Variants in DPH6 observed in about 807,000 individuals in gnomAD.
DPH6 encodes diphthine--ammonia ligase.
In DPH6, 33 loss-of-function variants were observed where a neutral mutation model predicts 38.2. That is an observed-to-expected ratio of 0.86 (90% CI 0.65 to 1.15). The LOEUF (loss-of-function observed/expected upper bound fraction) is 1.15. Among genes scored for constraint, DPH6 ranks in the 50% most tolerant of loss-of-function variants. The probability of loss-of-function intolerance (pLI) is 0.00; values close to 1 mark genes in which losing one functional copy is unlikely to be tolerated. For missense variants in DPH6, 325 were observed against 320.0 expected, an observed-to-expected ratio of 1.02 and a Z score of -0.12; for synonymous variants, 108 against 103.0, an observed-to-expected ratio of 1.05 and a Z score of -0.30.
At chr15:35,492,620 T>C (rs903297906) in intron 3 of DPH6, among the ~76,000 whole-genome samples, 1 of 152,292 alleles carries the variant, frequency 6.6e-6, no homozygotes, top group Non-Finnish European at 1.5e-5. Context: ...ATAACCATGA[T>C]TGAGCTGTTA....
intron 3 of DPH6, among the ~76,000 whole-genome samples, chr15:35,278,447 T>C (rs897086359): frequency 6.6e-6 from 1 of 152,200 alleles, no homozygotes; most frequent in Non-Finnish European, 1.5e-5. Context: ...AGAAGCCTGA[T>C]GCAGGGGTAG....
chr15:35,395,465 C>T (rs1469157599), intron 6 of DPH6, among the ~76,000 whole-genome samples: 2 of 152,208 alleles, frequency 1.3e-5, no homozygotes, highest in Non-Finnish European at 2.9e-5. Context: ...TCTCAAGCCT[C>T]TTCATGAATG....
At chr15:35,519,227 T>G (rs949535960) in intron 3 of DPH6, 1 of 151,866 alleles carries the variant, frequency 6.6e-6, no homozygotes, top group Admixed American at 6.6e-5. Flanking sequence ...TGACAAACAC[T>G]TTAGTCATTG....
chr15:35,246,197 A>G (rs990246650), intron 3 of DPH6, among the ~76,000 whole-genome samples: 1 of 152,174 alleles, frequency 6.6e-6, no homozygotes, highest in African/African-American at 2.4e-5. Context: ...CCAGGTGATT[A>G]AAAAGCTTTA....
At chr15:35,212,492 T>C (rs1290781860), downstream of DPH6, among the ~76,000 whole-genome samples, 1 of 152,150 alleles carries the variant, frequency 6.6e-6, no homozygotes, top group Non-Finnish European at 1.5e-5. Context: ...GCCTCTGTGA[T>C]ACAAAGGGCA....
At chr15:35,233,252 T>C (rs547337431) in intron 3 of DPH6, among the ~76,000 whole-genome samples, 2 of 152,262 alleles carry the variant, frequency 1.3e-5, no homozygotes, top group South Asian at 4.1e-4. Flanking sequence ...GAGATTTCAG[T>C]GAGCCAAGAT....
At chr15:35,424,105 T>C (rs969218557) in intron 5 of DPH6, among the ~76,000 whole-genome samples, 5 of 151,610 alleles carry the variant, frequency 3.3e-5, no homozygotes, top group East Asian at 1.9e-4. Context: ...AAGAATGCCA[T>C]TGAGAATTTG....
At chr15:35,436,456 A>G (rs896108545) in intron 5 of DPH6, among the ~76,000 whole-genome samples, 13 of 149,046 alleles carry the variant, frequency 8.7e-5, no homozygotes, top group Non-Finnish European at 1.8e-4. Flanking sequence ...ACAGAGTGAG[A>G]CTCCGTCTCA....
chr15:35,498,323 G>A (rs1467832292), intron 3 of DPH6, among the ~76,000 whole-genome samples: 1 of 152,044 alleles, frequency 6.6e-6, no homozygotes, highest in Non-Finnish European at 1.5e-5. Context: ...GCTTATACTG[G>A]TACTAGTTCT....
intron 3 of DPH6, among the ~76,000 whole-genome samples, chr15:35,502,355 A>C (rs115059859): frequency 0.01 from 1,552 of 152,162 alleles, 20 homozygotes; most frequent in African/African-American, 0.036. Flanking sequence ...AAAAATAAGC[A>C]AAGTGAGATA....
At chr15:35,492,639 C>G (rs899647249) in intron 3 of DPH6, among the ~76,000 whole-genome samples, 1 of 152,182 alleles carries the variant, frequency 6.6e-6, no homozygotes, top group African/African-American at 2.4e-5. Flanking sequence ...TAAATAAATG[C>G]ATGCTCTCTG....
At chr15:35,378,499 A>G (rs1465148002) in intron 7 of DPH6, among the ~76,000 whole-genome samples, 1 of 152,216 alleles carries the variant, frequency 6.6e-6, no homozygotes, top group Non-Finnish European at 1.5e-5. Flanking sequence ...AGGATTATAA[A>G]TCATTCTACT....
At chr15:35,461,714 C>T (rs2054069222) in intron 3 of DPH6, among the ~76,000 whole-genome samples, 1 of 151,852 alleles carries the variant, frequency 6.6e-6, no homozygotes, top group Non-Finnish European at 1.5e-5. Context: ...CGGACTTCCA[C>T]TTTTTACTTT....
intron 5 of DPH6, among the ~76,000 whole-genome samples, chr15:35,437,828 G>A (rs183126871): frequency 2.5e-3 from 380 of 152,328 alleles, no homozygotes; most frequent in Non-Finnish European, 4.8e-3. Flanking sequence ...ATGTGGCAGT[G>A]CTTTGTTCTA....
At chr15:35,471,760 G>GCT (rs1242578034) in intron 3 of DPH6, among the ~76,000 whole-genome samples, 1 of 152,054 alleles carries the variant, frequency 6.6e-6, no homozygotes, top group Non-Finnish European at 1.5e-5. Context: ...TCAGAAGTAA[G>GCT]CTCTCTCTCA....
chr15:35,367,408 C>A (rs2052670482), downstream of DPH6, among the ~76,000 whole-genome samples: 1 of 151,756 alleles, frequency 6.6e-6, no homozygotes, highest in South Asian at 2.1e-4. Flanking sequence ...TGAGTAGTTG[C>A]AAGTAAAAGT....
At chr15:35,429,198 C>T (rs546875299) in intron 5 of DPH6, among the ~76,000 whole-genome samples, 2 of 152,252 alleles carry the variant, frequency 1.3e-5, no homozygotes, top group East Asian at 3.9e-4. Flanking sequence ...GCTGCTTTGG[C>T]AGCCACAATG....
At chr15:35,152,245 T>C in the DPH6 span, among the ~76,000 whole-genome samples, 11 of 152,222 alleles carry the variant, frequency 7.2e-5, no homozygotes, top group Admixed American at 2.6e-4. Flanking sequence ...CTAGTGACAA[T>C]GTTAAGTGAG....
intron 6 of DPH6, among the ~76,000 whole-genome samples, chr15:35,391,927 C>T (rs140095655): frequency 6.6e-4 from 100 of 152,290 alleles, no homozygotes; most frequent in African/African-American, 2.2e-3. Flanking sequence ...CCGTCTTCTG[C>T]GTCGCTGATG....
Sources: gnomAD v4.1 joint callset for allele counts (sites outside exome capture counted in the v4.1 genomes callset) on GRCh38, gnomAD v4.1.1 for gene constraint, MANE v1.5 for transcripts, NCBI Gene and HGNC (gene_info 2026-07-23, HGNC 2026-07-21) for gene names.